SPIRE1: variants seen among roughly 807,000 people sequenced by gnomAD.
The protein encoded by SPIRE1 is spire type actin nucleation factor 1.
SPIRE1 carries 40 observed loss-of-function variants against 94.1 expected under a neutral mutation model. The ratio of observed to expected loss-of-function variants is 0.43; its 90% CI spans 0.33 to 0.55. The LOEUF (loss-of-function observed/expected upper bound fraction) is 0.55, where lower values mean the gene tolerates loss of function less well. Among genes scored for constraint, SPIRE1 ranks in the 20% least tolerant of loss-of-function variants. SPIRE1 has a pLI of 0.06. For synonymous variants in SPIRE1, 376 were observed against 371.7 expected (o/e 1.01, Z -0.13); for missense variants, 838 against 975.2 (o/e 0.86, Z 1.87).
intron 3 of SPIRE1, 103 bp from the exon 4 acceptor site, chr18:12,535,704 C>G: frequency 2.7e-6 from 3 of 1,097,176 alleles, no homozygotes; most frequent in Non-Finnish European, 3.9e-6. Flanking sequence ...CGCCTGTAAT[C>G]CCAGCACTTT....
chr18:12,585,961 T>C (rs1341289744), intron 2 of SPIRE1, among the ~76,000 whole-genome samples: 1 of 152,196 alleles, frequency 6.6e-6, no homozygotes, highest in African/African-American at 2.4e-5. Context: ...TATGTATGTA[T>C]GTATTTAGAG....
At chr18:12,624,871 A>G (rs989670855) in intron 2 of SPIRE1, among the ~76,000 whole-genome samples, 1 of 151,938 alleles carries the variant, frequency 6.6e-6, no homozygotes, top group Non-Finnish European at 1.5e-5. Flanking sequence ...TTACTCCCAG[A>G]TAATTTGAGT....
chr18:12,507,494 T>A (rs1013172181), intron 5 of SPIRE1, among the ~76,000 whole-genome samples: 1 of 151,588 alleles, frequency 6.6e-6, no homozygotes, highest in Non-Finnish European at 1.5e-5. Context: ...AGGTCAGGAG[T>A]TCGAGACCAG....
At chr18:12,463,526 T>C in intron 11 of SPIRE1, 33 bp from the exon 12 acceptor site, 1 of 1,575,982 alleles carries the variant, frequency 6.3e-7, no homozygotes, top group Non-Finnish European at 8.6e-7. Context: ...TAAAACTTAC[T>C]GTGAATTTTC....
In SPIRE1 at chr18:12,506,646, A is replaced by C; in HGVS notation, c.808-5T>G. 6.2e-7 allele frequency: 1 copy of C among 1,614,006 alleles called. No homozygotes were observed. The highest frequency in any genetic ancestry group is 1.1e-5 in the South Asian group (1 of 91,038). On this transcript the variant is annotated splice_region_variant and splice_polypyrimidine_tract_variant and intron_variant, in intron 5 of 16. Coordinates refer to ENST00000409402, the MANE Select transcript of SPIRE1 (RefSeq NM_001128626.2). Reference sequence around the variant, plus strand: ...CACCTGTACCCAGAATCGTGCCTGAAAGAACCAAGGATAGAGAGACATCAA... The same window carrying C: ...CACCTGTACCCAGAATCGTGCCTGACAGAACCAAGGATAGAGAGACATCAA...
intron 4 of SPIRE1, among the ~76,000 whole-genome samples, chr18:12,523,879 T>C (rs992457584): frequency 1.3e-5 from 2 of 152,136 alleles, no homozygotes; most frequent in African/African-American, 4.8e-5. Flanking sequence ...TTTGCAGAGA[T>C]AGGATCTCAC....
chr18:12,502,836 G>A (rs567215710), intron 6 of SPIRE1, among the ~76,000 whole-genome samples: 51 of 152,224 alleles, frequency 3.4e-4, no homozygotes, highest in Non-Finnish European at 4.6e-4. Flanking sequence ...GGTGGGGTGC[G>A]GTGGCTCATG....
intron 2 of SPIRE1, among the ~76,000 whole-genome samples, chr18:12,569,282 A>G (rs1477574179): frequency 6.6e-6 from 1 of 150,906 alleles, no homozygotes; most frequent in Non-Finnish European, 1.5e-5. Flanking sequence ...GGGAGCTTGC[A>G]GTGAGCTGAG....
chr18:12,615,972 T>G (rs913197220), intron 2 of SPIRE1, among the ~76,000 whole-genome samples: 1 of 152,266 alleles, frequency 6.6e-6, no homozygotes, highest in East Asian at 1.9e-4. Context: ...TCTTCCATTC[T>G]TCAAATGGCC....
intron 2 of SPIRE1, among the ~76,000 whole-genome samples, chr18:12,556,150 T>C (rs761347564): frequency 2.0e-4 from 30 of 151,984 alleles, no homozygotes; most frequent in Non-Finnish European, 1.9e-4. Context: ...ATGCAAGAAA[T>C]TGAAGAGGAC....
rs374676966 is a variant in SPIRE1 at position 12,482,637 on chromosome 18, G to A, written c.1232-2766C>T. On this transcript the variant is annotated intron_variant, in intron 9 of 16. Coordinates refer to ENST00000409402, the MANE Select transcript of SPIRE1 (RefSeq NM_001128626.2). ...AATTCATAAAGATGGCATATGAACT[G>A]AATTTTAGGGAACACTGTCAAATGC... is the stretch of plus-strand genomic sequence containing the variant. Among the ~76,000 whole-genome samples the A allele has an allele frequency of 9.9e-5, 15 of 152,148 alleles. No homozygotes were observed. In the East Asian group the frequency reaches 1.3e-3, roughly 14 times the overall value.
chr18:12,638,132 T>C (rs1172791420), intron 1 of SPIRE1, among the ~76,000 whole-genome samples: 4 of 152,162 alleles, frequency 2.6e-5, no homozygotes, highest in African/African-American at 9.7e-5. Context: ...ATGATCTTGC[T>C]CAATCCATTC....
chr18:12,527,104 G>C (rs1041449095), intron 4 of SPIRE1, among the ~76,000 whole-genome samples: 4 of 152,152 alleles, frequency 2.6e-5, no homozygotes, highest in Non-Finnish European at 4.4e-5. Flanking sequence ...ACTAGGCTTT[G>C]TGATGTCTCC....
chr18:12,594,833 C>T (rs2036627339), intron 2 of SPIRE1, among the ~76,000 whole-genome samples: 1 of 152,208 alleles, frequency 6.6e-6, no homozygotes, highest in Non-Finnish European at 1.5e-5. Context: ...CAGCCACTGA[C>T]ACCCCTGAGC....
chr18:12,614,655 A>C (rs1203386463), intron 2 of SPIRE1, among the ~76,000 whole-genome samples: 1 of 151,816 alleles, frequency 6.6e-6, no homozygotes, highest in Non-Finnish European at 1.5e-5. Context: ...GTCTCTACTA[A>C]AAATACAAGA....
chr18:12,535,695 G>A (rs1179164395), intron 3 of SPIRE1, 94 bp from the exon 4 acceptor site: 17 of 1,180,350 alleles, frequency 1.4e-5, no homozygotes, highest in South Asian at 4.2e-5. Flanking sequence ...AGTGGTTCAC[G>A]CCTGTAATCC....
chr18:12,607,678 CA>C (rs2037023495), intron 2 of SPIRE1, among the ~76,000 whole-genome samples: 1 of 151,478 alleles, frequency 6.6e-6, no homozygotes, highest in African/African-American at 2.4e-5. Context: ...AAGTCACATT[CA>C]TTATAATCTC....
chr18:12,568,189 G>A (rs2035866133), intron 2 of SPIRE1, among the ~76,000 whole-genome samples: 1 of 152,232 alleles, frequency 6.6e-6, no homozygotes, highest in Non-Finnish European at 1.5e-5. Flanking sequence ...CACAGTCATG[G>A]TGAAAGTGTT....
chr18:12,605,952 C>T (rs1010282931), intron 2 of SPIRE1, among the ~76,000 whole-genome samples: 22 of 152,144 alleles, frequency 1.4e-4, no homozygotes, highest in Admixed American at 5.2e-4. Context: ...CTTGGTCCAC[C>T]TAGGCATCTT....
Sources: allele counts gnomAD v4.1 joint callset (sites outside exome capture counted in the v4.1 genomes callset), GRCh38; gene constraint gnomAD v4.1.1; transcripts MANE v1.5; gene names NCBI Gene and HGNC (gene_info 2026-07-23, HGNC 2026-07-21).